Variants in ZNF469 observed in about 807,000 individuals in gnomAD.
ZNF469 encodes zinc finger protein 469.
ZNF469 carries 1 observed loss-of-function variant against 1.0 expected under a neutral mutation model. The observed-to-expected ratio is 1.00, with a 90% CI of 0.35 to 4.73. The LOEUF (loss-of-function observed/expected upper bound fraction) is 4.73, where lower values mean the gene tolerates loss of function less well. Among genes scored for constraint, ZNF469 ranks in the 30% most tolerant of loss-of-function variants. ZNF469 has a pLI of 0.16. For missense variants in ZNF469, 6,100 were observed against 5,356.3 expected, an observed-to-expected ratio of 1.14 and a Z score of -4.33; for synonymous variants, 2,703 against 2,363.4, an observed-to-expected ratio of 1.14 and a Z score of -4.17.
At chr16:88,245,855 C>A in the ZNF469 span, among the ~76,000 whole-genome samples, 1 of 152,404 alleles carries the variant, frequency 6.6e-6, no homozygotes, top group African/African-American at 2.4e-5. Flanking sequence ...ATTGAGCGTG[C>A]CTGGTGTGTG....
rs780409854 is a variant in ZNF469 at position 88,429,428 on chromosome 16, C to G, written c.1958C>G (p.Pro653Arg). ...GGCAGCCCCTTCCCGTCCCCGGAGC[C>G]CCCCCACTCCCTCCCCACCCACTAC... Reference protein sequence around the residue: ...ETGSPFPSPEPPHSLPTHYQP... With the variant: ...ETGSPFPSPERPHSLPTHYQP... Residue 653 changes from proline to arginine, a missense_variant, in exon 3 of 3, where the codon CCC (proline) becomes CGC (arginine). Pro to Arg is a moderately radical substitution (Grantham distance 103). Coordinates refer to ENST00000565624, the MANE Select transcript of ZNF469 (RefSeq NM_001367624.2). 4 of 1,540,550 alleles carry G rather than the reference C, an allele frequency of 2.6e-6. No individual in the cohort carries two copies. The African/African-American group carries it at 4.1e-5, about 16-fold the overall frequency.
the ZNF469 span, among the ~76,000 whole-genome samples, chr16:88,192,420 A>G: frequency 1.1e-4 from 16 of 152,298 alleles, no homozygotes; most frequent in Non-Finnish European, 2.4e-4. Flanking sequence ...GGTCTTGTCT[A>G]CTTTGTGCAG....
Position 88,436,767 on chromosome 16 carries a change from G to T in ZNF469, c.9297G>T (p.Gly3099=). ...SRRTEEAAGA[G]RAQGRGRPAK... ...GGACAGAGGAGGCTGCAGGGGCAGGGAGGGCCCAAGGCAGAGGCCGGCCGG... is the reference window on the plus strand; with the variant it reads ...GGACAGAGGAGGCTGCAGGGGCAGGTAGGGCCCAAGGCAGAGGCCGGCCGG... Residue 3099 remains glycine, a synonymous_variant, in exon 3 of 3, where the codon GGG becomes GGT. Transcript: ENST00000565624. 8 of 1,546,940 alleles carry T rather than the reference G, an allele frequency of 5.2e-6. No homozygotes were observed. The highest frequency in any genetic ancestry group is 6.1e-6 in the Non-Finnish European group (7 of 1,146,250).
At position 88,399,549 on chromosome 16, in the gene ZNF469, A is replaced by G. The variant is rs141963286; in HGVS notation, c.-192+16295A>G. Among the ~76,000 whole-genome samples, 428 of 152,218 alleles carry G rather than the reference A, an allele frequency of 2.8e-3. 4 individuals carry two copies. Among genetic ancestry groups the G allele is most frequent in the African/African-American group, 9.7e-3 (404 of 41,528 alleles). ...GGGCAGACAGAGCCACCTTCATGGG[A>G]GGGCCAGGCTGGAGCAGGGACAACC... On this transcript the variant is annotated intron_variant, in intron 1 of 2. Transcript: ENST00000565624.
chr16:88,222,749 C>T, the ZNF469 span, among the ~76,000 whole-genome samples: 1 of 137,940 alleles, frequency 7.2e-6, no homozygotes, highest in South Asian at 2.4e-4. Flanking sequence ...AAGAGCGAGA[C>T]TCCATCCCGA....
upstream of ZNF469, among the ~76,000 whole-genome samples, chr16:88,381,334 T>A (rs565579838): frequency 7.7e-6 from 1 of 130,530 alleles, no homozygotes; most frequent in Non-Finnish European, 1.6e-5. Flanking sequence ...AGACATGCAC[T>A]CGCACACAGA....
At chr16:88,261,024 C>T in the ZNF469 span, among the ~76,000 whole-genome samples, 2 of 152,128 alleles carry the variant, frequency 1.3e-5, 1 homozygote, top group Admixed American at 1.3e-4. The surrounding 1 kb of genome is among the most constrained non-coding windows in gnomAD (Gnocchi z 6.0). Flanking sequence ...ATGGGGAGCC[C>T]GGGCCAGCGT....
the ZNF469 span, among the ~76,000 whole-genome samples, chr16:88,150,110 C>G: frequency 6.6e-6 from 1 of 152,166 alleles, no homozygotes; most frequent in African/African-American, 2.4e-5. Context: ...AAGTTCGTGA[C>G]CAGCCTGGCC....
chr16:88,376,979 C>T, the ZNF469 span, among the ~76,000 whole-genome samples: 8 of 152,228 alleles, frequency 5.3e-5, no homozygotes, highest in Non-Finnish European at 1.0e-4. Flanking sequence ...CCGCTCATGC[C>T]GCCGGGAGGG....
chr16:88,434,766 G>A lies in ZNF469; in HGVS notation c.7296G>A (p.Gln2432=). Residue 2432 remains glutamine (Q), a synonymous_variant, in exon 3 of 3, where the codon CAG becomes CAA. Transcript: ENST00000565624. ...SPQSHRNASH[Q]TPQGDPLGPQ... ...AAAGCCACAGAAATGCCTCCCACCA[G>A]ACTCCCCAGGGGGACCCCCTCGGCC... is the stretch of plus-strand genomic sequence containing the variant. 2 of 1,550,356 alleles carry A rather than the reference G, an allele frequency of 1.3e-6. No homozygotes were observed. Among genetic ancestry groups the A allele is most frequent in the South Asian group, 2.4e-5 (2 of 84,064 alleles).
chr16:88,363,538 G>A, the ZNF469 span, among the ~76,000 whole-genome samples: 3 of 152,182 alleles, frequency 2.0e-5, no homozygotes, highest in Non-Finnish European at 4.4e-5. Context: ...CAGATGTCCT[G>A]GCAAAGTTTA....
chr16:88,200,114 G>A, the ZNF469 span, among the ~76,000 whole-genome samples: 3 of 125,334 alleles, frequency 2.4e-5, no homozygotes, highest in Admixed American at 1.7e-4. Flanking sequence ...CGGGAGGAGT[G>A]CCCGGCACGG....
At chr16:88,291,864 G>T in the ZNF469 span, among the ~76,000 whole-genome samples, 1 of 152,100 alleles carries the variant, frequency 6.6e-6, no homozygotes, top group African/African-American at 2.4e-5. Flanking sequence ...GTCCTCCCTG[G>T]CGAGCTGATG....
At chr16:88,197,085 G>A in the ZNF469 span, among the ~76,000 whole-genome samples, 3 of 152,174 alleles carry the variant, frequency 2.0e-5, no homozygotes, top group Non-Finnish European at 4.4e-5. Flanking sequence ...TCTGGCTGGC[G>A]CTCACTTCCC....
the ZNF469 span, among the ~76,000 whole-genome samples, chr16:88,317,613 C>T: frequency 2.6e-5 from 4 of 152,188 alleles, no homozygotes; most frequent in African/African-American, 9.7e-5. Context: ...GGGCAGTGCC[C>T]GCCGGCAGCC....
upstream of ZNF469, among the ~76,000 whole-genome samples, chr16:88,381,826 C>G (rs977477751): frequency 6.6e-6 from 1 of 152,248 alleles, no homozygotes; most frequent in Non-Finnish European, 1.5e-5. Flanking sequence ...CTATACCGTT[C>G]GCAGAGTCCC....
Position 88,439,284 on chromosome 16 carries a change from G to A in ZNF469, c.11814G>A (p.Gln3938=). The change falls in exon 3 of 3, where the codon CAG becomes CAA. Residue 3938 remains glutamine (Q), a synonymous_variant. Coordinates refer to ENST00000565624, the MANE Select transcript of ZNF469 (RefSeq NM_001367624.2). ...QSDLLSQLFG[Q]RLTGFKIPLK... is the part of the protein sequence containing the mutation. ...ACCTCCTCAGCCAGCTCTTCGGGCA[G>A]AGACTAACTGGCTTCAAAATCCCTT... 13 of 1,550,466 alleles carry A rather than the reference G, an allele frequency of 8.4e-6. No homozygotes were observed. The highest frequency in any genetic ancestry group is 9.6e-6 in the Non-Finnish European group (11 of 1,147,002).
chr16:88,223,906 G>A, the ZNF469 span, among the ~76,000 whole-genome samples: 2 of 152,230 alleles, frequency 1.3e-5, no homozygotes, highest in South Asian at 2.1e-4. Context: ...GCTCAGCACC[G>A]CGTCCCGCCC....
At chr16:88,271,587 G>T in the ZNF469 span, among the ~76,000 whole-genome samples, 5 of 140,124 alleles carry the variant, frequency 3.6e-5, 1 homozygote, top group Admixed American at 3.0e-4. Flanking sequence ...GAGCATCCAG[G>T]GGGCCAGGCC....
Sources: gnomAD v4.1 joint callset for allele counts (sites outside exome capture counted in the v4.1 genomes callset) on GRCh38, gnomAD v4.1.1 for gene constraint, Gnocchi (gnomAD v3.1) non-coding constraint, MANE v1.5 for transcripts, NCBI Gene and HGNC (gene_info 2026-07-23, HGNC 2026-07-21) for gene names.